The following CHID1 variants were observed in gnomAD, a reference collection of about 807,000 sequenced individuals.
CHID1 encodes the protein chitinase domain containing 1.
CHID1 carries 44 observed loss-of-function variants against 55.4 expected under a neutral mutation model. The observed-to-expected ratio is 0.79, with a 90% CI of 0.62 to 1.02. The LOEUF (loss-of-function observed/expected upper bound fraction) is 1.02, where lower values mean the gene tolerates loss of function less well. Among genes scored for constraint, CHID1 ranks in the 50% least tolerant of loss-of-function variants. CHID1 has a pLI of 0.00. For missense variants in CHID1, 491 were observed against 515.3 expected (o/e 0.95, Z 0.46); for synonymous variants, 216 against 212.9 (o/e 1.01, Z -0.13).
At chr11:889,465 C>T (rs1216929485) in intron 8 of CHID1, among the ~76,000 whole-genome samples, 2 of 152,190 alleles carry the variant, frequency 1.3e-5, no homozygotes, top group African/African-American at 4.8e-5. Flanking sequence ...CCCATCTCTT[C>T]CCTGCTCCTG....
chr11:903,180 AG>A (rs1851950641), intron 2 of CHID1, 69 bp from the exon 3 acceptor site: 15 of 1,500,726 alleles, frequency 1.0e-5, no homozygotes, highest in African/African-American at 1.4e-5. Flanking sequence ...AGCCCCACCC[AG>A]CAAGTCCCTT....
In CHID1 at chr11:869,819, A is replaced by C. The variant is rs751815626; in HGVS notation, c.*39T>G. ...CACCTGCTCACTCACTCCATGGCTT[A>C]GAAAAGAACACGTCCACCGCGGAGG... On this transcript the variant is annotated 3_prime_UTR_variant, in exon 13 of 13. Coordinates refer to ENST00000323578, the MANE Select transcript of CHID1 (RefSeq NM_023947.4). The C allele has an allele frequency of 1.3e-5, 20 of 1,568,406 alleles. No homozygotes were observed. In the African/African-American group the frequency reaches 2.4e-4, roughly 19 times the overall value.
chr11:869,777 T>C lies in CHID1; in HGVS notation c.*81A>G, dbSNP rs1201111490. The C allele has an allele frequency of 5.6e-6, 7 of 1,251,786 alleles. No individual in the cohort carries two copies. In the Admixed American group the frequency reaches 8.5e-5, roughly 15 times the overall value. The allele number at this position is 1,251,786 out of a possible 1,614,324, so 77.5% of individuals were successfully genotyped here. A position where few individuals can be genotyped will look rare whatever the true frequency, so the allele number is the denominator to read the frequency against. On this transcript the variant is annotated 3_prime_UTR_variant, in exon 13 of 13. Transcript: ENST00000323578. Reference sequence around the variant, plus strand: ...AGCAGACCCGTCACAGCAAACGGAGTGGAGGCCTGTATTTCACACCTGCTC... The same window carrying C: ...AGCAGACCCGTCACAGCAAACGGAGCGGAGGCCTGTATTTCACACCTGCTC...
At chr11:900,159 A>C in intron 5 of CHID1, 49 bp from the exon 6 acceptor site, 1 of 1,468,186 alleles carries the variant, frequency 6.8e-7, no homozygotes, top group Non-Finnish European at 9.5e-7. Context: ...GAGATGCTGG[A>C]GGGCCCCTGC....
intron 8 of CHID1, among the ~76,000 whole-genome samples, chr11:890,006 T>TC (rs1218855501): frequency 7.1e-6 from 1 of 141,524 alleles, no homozygotes; most frequent in Non-Finnish European, 1.5e-5. Flanking sequence ...GCTCTACTGT[T>TC]CTCAGCCTGC....
intron 1 of CHID1, chr11:908,446 G>T: frequency 3.0e-6 from 1 of 332,186 alleles, no homozygotes; most frequent in Non-Finnish European, 4.3e-6. Flanking sequence ...CTATCTTTCT[G>T]CTGCAGCTGA....
chr11:909,430 T>C (rs1170744877), intron 1 of CHID1, among the ~76,000 whole-genome samples: 1 of 152,112 alleles, frequency 6.6e-6, no homozygotes, highest in East Asian at 1.9e-4. Context: ...CAAGATAAGG[T>C]GGAGCGCTAC....
At chr11:909,968 G>A (rs377682094) in intron 1 of CHID1, among the ~76,000 whole-genome samples, 115 of 151,794 alleles carry the variant, frequency 7.6e-4, no homozygotes, top group African/African-American at 2.7e-3. Flanking sequence ...ACTGAGGCAG[G>A]AAAATCCCTT....
chr11:878,198 G>C (rs1037934365), intron 10 of CHID1, among the ~76,000 whole-genome samples: 37 of 152,236 alleles, frequency 2.4e-4, no homozygotes, highest in African/African-American at 3.9e-4. Flanking sequence ...TGGATCACTT[G>C]AGGTCAGGAG....
upstream of CHID1, among the ~76,000 whole-genome samples, chr11:911,768 C>T (rs969432967): frequency 6.6e-6 from 1 of 152,224 alleles, no homozygotes; most frequent in Non-Finnish European, 1.5e-5. Flanking sequence ...AGGCACGTCC[C>T]CCACCAGCTG....
At chr11:872,603 C>T (rs566954051) in intron 10 of CHID1, among the ~76,000 whole-genome samples, 1 of 152,334 alleles carries the variant, frequency 6.6e-6, no homozygotes, top group African/African-American at 2.4e-5. Flanking sequence ...CCAGAAGCCC[C>T]TCCAGACCAG....
intron 7 of CHID1, among the ~76,000 whole-genome samples, chr11:894,403 T>C (rs72847265): frequency 1.3e-5 from 2 of 152,254 alleles, no homozygotes; most frequent in African/African-American, 2.4e-5. Context: ...TAGCACGGCC[T>C]AGGAGCAGCC....
At chr11:883,690 T>G (rs969528565) in intron 9 of CHID1, among the ~76,000 whole-genome samples, 17 of 152,110 alleles carry the variant, frequency 1.1e-4, no homozygotes, top group Non-Finnish European at 2.1e-4. Context: ...GGGAAGGAGG[T>G]CAGCAGACAC....
At chr11:908,387 A>G (rs1251439122) in intron 1 of CHID1, 1 of 161,108 alleles carries the variant, frequency 6.2e-6, no homozygotes, top group Non-Finnish European at 1.3e-5. Context: ...GATACATCCC[A>G]GAATCAGAAC....
intron 1 of CHID1, among the ~76,000 whole-genome samples, chr11:907,429 C>T (rs921396890): frequency 4.0e-5 from 6 of 151,752 alleles, no homozygotes; most frequent in Admixed American, 2.6e-4. Flanking sequence ...CGCAGTGAGC[C>T]GAGATAGTGC....
chr11:885,689 C>T (rs1183671400), intron 8 of CHID1, among the ~76,000 whole-genome samples: 1 of 152,136 alleles, frequency 6.6e-6, no homozygotes, highest in East Asian at 1.9e-4. Context: ...TCCCTCTGGG[C>T]CGAGGCCTCC....
At chr11:873,482 G>A (rs558837856) in intron 10 of CHID1, among the ~76,000 whole-genome samples, 1 of 152,138 alleles carries the variant, frequency 6.6e-6, no homozygotes, top group African/African-American at 2.4e-5. Context: ...GGGAGCGAGC[G>A]AGGGGCCTGC....
intron 10 of CHID1, among the ~76,000 whole-genome samples, chr11:873,343 C>G (rs375078549): frequency 6.6e-6 from 1 of 152,068 alleles, no homozygotes; most frequent in Non-Finnish European, 1.5e-5. Flanking sequence ...AACTGGGACC[C>G]CCTTGAGGGC....
At chr11:893,586 C>T (rs1004095331) in intron 7 of CHID1, 67 bp from the exon 8 acceptor site, 1 of 1,286,400 alleles carries the variant, frequency 7.8e-7, no homozygotes, top group South Asian at 1.4e-5. Flanking sequence ...TTCTGTGACA[C>T]CCGCTGCCTC....
Sources: gnomAD v4.1 joint callset for allele counts (sites outside exome capture counted in the v4.1 genomes callset) on GRCh38, gnomAD v4.1.1 for gene constraint, MANE v1.5 for transcripts, NCBI Gene and HGNC (gene_info 2026-07-23, HGNC 2026-07-21) for gene names.